PCDH11X: variants seen among roughly 807,000 people sequenced by gnomAD.
PCDH11X encodes the protein protocadherin-11 X-linked.
In PCDH11X, 18 loss-of-function variants were observed where a neutral mutation model predicts 53.3. The ratio of observed to expected loss-of-function variants is 0.34; its 90% CI spans 0.23 to 0.50. The LOEUF (loss-of-function observed/expected upper bound fraction) is 0.50. Ranked by LOEUF, PCDH11X falls within the 20% of genes least tolerant of loss-of-function variation. PCDH11X has a pLI of 0.98. For missense variants in PCDH11X, 570 were observed against 1,032.4 expected (o/e 0.55, Z 6.14); for synonymous variants, 279 against 393.3 (o/e 0.71, Z 3.44).
At chrX:92,262,265 C>T (rs1222455750) in intron 7 of PCDH11X, among the ~76,000 whole-genome samples, 1 of 111,265 alleles carries the variant, frequency 9.0e-6, no homozygotes, top group Non-Finnish European at 1.9e-5. Flanking sequence ...TTCAAGAAGA[C>T]TCTATAAGGA....
chrX:92,575,936 T>TACACACACACACACAC (rs1462543427), intron 10 of PCDH11X, among the ~76,000 whole-genome samples: 3 of 26,226 alleles, frequency 1.1e-4, no homozygotes, highest in African/African-American at 5.9e-4. Context: ...TATATATATA[T>TACACACACACACACAC]ATATATATAC....
intron 9 of PCDH11X, among the ~76,000 whole-genome samples, chrX:92,431,620 C>A (rs921788359): frequency 9.1e-6 from 1 of 110,000 alleles, no homozygotes; most frequent in African/African-American, 3.3e-5. Context: ...CCTATTAATT[C>A]AAACCTCAGT....
chrX:91,838,417 C>T (rs1413461773), intron 5 of PCDH11X, among the ~76,000 whole-genome samples: 3 of 111,324 alleles, frequency 2.7e-5, no homozygotes, highest in Non-Finnish European at 5.7e-5. Flanking sequence ...TGTGTGGCCC[C>T]GTGGACAAAT....
At chrX:92,449,753 G>C (rs775828439) in intron 9 of PCDH11X, among the ~76,000 whole-genome samples, 1 of 110,536 alleles carries the variant, frequency 9.0e-6, no homozygotes, top group East Asian at 2.9e-4. Flanking sequence ...AAAAGCTCTA[G>C]AGTCAGCAAC....
intron 6 of PCDH11X, among the ~76,000 whole-genome samples, chrX:92,143,535 C>T (rs980878633): frequency 5.3e-5 from 6 of 112,537 alleles, no homozygotes; most frequent in Non-Finnish European, 1.1e-4. Flanking sequence ...TTGGCAGCTT[C>T]CACATGGTGT....
chrX:91,784,930 C>T lies in PCDH11X; in HGVS notation c.-379+5246C>T, dbSNP rs752136850. Among the ~76,000 whole-genome samples the T allele has an allele frequency of 2.5e-4, 28 of 111,036 alleles. 1 individual carries two copies. In the East Asian group the frequency reaches 7.4e-3, roughly 29 times the overall value. ...CAAATTTTCGTCATCAAGGTTTCTT[C>T]CTTTCTGTGTCTTTTGCTGTTTTAG... On this transcript the variant is annotated intron_variant, in intron 1 of 10. Transcript: ENST00000682573.
At chrX:92,601,694 G>A (rs965265540) in intron 10 of PCDH11X, among the ~76,000 whole-genome samples, 7 of 110,709 alleles carry the variant, frequency 6.3e-5, no homozygotes, top group African/African-American at 2.3e-4. Context: ...AAATGGAGAA[G>A]CACTTATTCT....
chrX:92,593,555 T>C (rs1051151465), intron 10 of PCDH11X, among the ~76,000 whole-genome samples: 3 of 111,329 alleles, frequency 2.7e-5, no homozygotes, highest in Non-Finnish European at 5.7e-5. Flanking sequence ...GGCATGTAAT[T>C]TTGTCTAGCT....
intron 6 of PCDH11X, among the ~76,000 whole-genome samples, chrX:91,895,446 C>G (rs1486899133): frequency 9.0e-6 from 1 of 110,618 alleles, no homozygotes; most frequent in Admixed American, 9.7e-5. Context: ...TACAAAAGAT[C>G]AAAACTATGG....
intron 8 of PCDH11X, among the ~76,000 whole-genome samples, chrX:92,270,413 C>T (rs1408336589): frequency 8.9e-6 from 1 of 112,109 alleles, no homozygotes; most frequent in Non-Finnish European, 1.9e-5. Flanking sequence ...CGTGAGCCAA[C>T]TGTGTCCAGC....
intron 10 of PCDH11X, among the ~76,000 whole-genome samples, chrX:92,474,893 C>T (rs950388307): frequency 3.7e-5 from 4 of 109,486 alleles, no homozygotes; most frequent in African/African-American, 1.0e-4. Flanking sequence ...TGGCCGGGCG[C>T]GGTGGCTCAC....
intron 6 of PCDH11X, among the ~76,000 whole-genome samples, chrX:91,995,850 TTG>T (rs1232203858): frequency 9.6e-6 from 1 of 104,667 alleles, no homozygotes; most frequent in Non-Finnish European, 2.0e-5. Context: ...TATCTTCTTT[TTG>T]TTTTTTTTTT....
intron 6 of PCDH11X, among the ~76,000 whole-genome samples, chrX:91,884,940 A>G (rs970677407): frequency 2.0e-4 from 21 of 107,584 alleles, no homozygotes; most frequent in African/African-American, 6.4e-4. Flanking sequence ...GAAAAGGTTT[A>G]TGCTCTGTTC....
intron 8 of PCDH11X, among the ~76,000 whole-genome samples, chrX:92,337,543 C>G (rs957746078): frequency 9.0e-6 from 1 of 110,643 alleles, no homozygotes; most frequent in African/African-American, 3.3e-5. Flanking sequence ...AGACAAGGTC[C>G]CAGCTTGAGT....
intron 7 of PCDH11X, among the ~76,000 whole-genome samples, chrX:92,261,945 CAG>C (rs767345250): frequency 2.2e-4 from 25 of 111,137 alleles, no homozygotes; most frequent in Admixed American, 3.8e-4. Flanking sequence ...CTGATCGATG[CAG>C]AGAGATTATA....
chrX:92,193,299 A>C (rs1347535736), intron 6 of PCDH11X, among the ~76,000 whole-genome samples: 1 of 111,804 alleles, frequency 8.9e-6, no homozygotes, highest in African/African-American at 3.3e-5. Flanking sequence ...GAATCATCTC[A>C]GTATTATTGA....
chrX:92,135,694 A>C (rs1439689704), intron 6 of PCDH11X, among the ~76,000 whole-genome samples: 2 of 109,923 alleles, frequency 1.8e-5, no homozygotes, highest in Non-Finnish European at 3.8e-5. Context: ...ATCAAGCTGT[A>C]CAGTACCCTG....
chrX:92,449,098 A>G (rs1233342812), intron 9 of PCDH11X, among the ~76,000 whole-genome samples: 1 of 111,932 alleles, frequency 8.9e-6, no homozygotes, highest in Non-Finnish European at 1.9e-5. Flanking sequence ...CAGCTACTAA[A>G]TTGATTCAGA....
chrX:92,298,662 A>T (rs2068658826), intron 8 of PCDH11X, among the ~76,000 whole-genome samples: 1 of 111,220 alleles, frequency 9.0e-6, no homozygotes, highest in South Asian at 3.8e-4. Flanking sequence ...GCCTCGTAGA[A>T]TGAGTTAGGG....
Sources: allele counts gnomAD v4.1 joint callset (sites outside exome capture counted in the v4.1 genomes callset), GRCh38; gene constraint gnomAD v4.1.1; transcripts MANE v1.5; gene names NCBI Gene and HGNC (gene_info 2026-07-23, HGNC 2026-07-21).